ADGRL3: variants seen among roughly 807,000 people sequenced by gnomAD.
ADGRL3 encodes the protein adhesion G protein-coupled receptor L3, also known as calcium-independent alpha-latrotoxin receptor 3.
A neutral mutation model predicts 153.5 loss-of-function variants in ADGRL3; 62 were observed. The observed-to-expected ratio is 0.40, with a 90% CI of 0.33 to 0.50. The LOEUF is 0.50. Ranked by LOEUF, ADGRL3 falls within the 20% of genes least tolerant of loss-of-function variation. ADGRL3 has a pLI of 0.47. For missense variants in ADGRL3, 1,641 were observed against 1,859.4 expected, an observed-to-expected ratio of 0.88 and a Z score of 2.16; for synonymous variants, 710 against 672.5, an observed-to-expected ratio of 1.06 and a Z score of -0.86.
chr4:61,327,185 G>A (rs1480199685), intron 1 of ADGRL3, among the ~76,000 whole-genome samples: 1 of 151,738 alleles, frequency 6.6e-6, no homozygotes, highest in Non-Finnish European at 1.5e-5. Flanking sequence ...AGCACCCGAC[G>A]GGCTTGCTAA....
intron 5 of ADGRL3, among the ~76,000 whole-genome samples, chr4:61,655,720 G>A (rs906382172): frequency 3.3e-5 from 5 of 152,148 alleles, no homozygotes. Flanking sequence ...TCTGCTGAGT[G>A]GTATGGGAAA....
At chr4:61,703,962 C>T (rs1242316272) in intron 6 of ADGRL3, among the ~76,000 whole-genome samples, 2 of 151,988 alleles carry the variant, frequency 1.3e-5, no homozygotes, top group South Asian at 2.1e-4. Context: ...GCATAGAATA[C>T]TTGCTTAAAA....
chr4:61,876,285 TTTG>T (rs199956644), intron 9 of ADGRL3, among the ~76,000 whole-genome samples: 36 of 59,780 alleles, frequency 6.0e-4, no homozygotes, highest in Admixed American at 1.1e-3. Context: ...TTTATCCAAT[TTTG>T]TTTTTTTTTT....
intron 2 of ADGRL3, among the ~76,000 whole-genome samples, chr4:61,466,669 G>A (rs2097888160): frequency 6.6e-6 from 1 of 152,056 alleles, no homozygotes; most frequent in African/African-American, 2.4e-5. Context: ...TACCATGTAT[G>A]GTGCAAAGTA....
intron 23 of ADGRL3, among the ~76,000 whole-genome samples, chr4:62,037,059 C>T (rs1158688781): frequency 6.6e-6 from 1 of 151,978 alleles, no homozygotes; most frequent in Non-Finnish European, 1.5e-5. Context: ...TTATATTTCT[C>T]TGTGATTATT....
chr4:62,006,577 ATTT>A (rs34336604), intron 21 of ADGRL3, among the ~76,000 whole-genome samples: 53 of 130,754 alleles, frequency 4.1e-4, no homozygotes, highest in African/African-American at 9.9e-4. Context: ...CAATGTATAG[ATTT>A]TTTTTTTTTT....
intron 2 of ADGRL3, among the ~76,000 whole-genome samples, chr4:61,470,232 T>G (rs1274941115): frequency 6.6e-6 from 1 of 151,966 alleles, no homozygotes; most frequent in Non-Finnish European, 1.5e-5. Context: ...ATGCTGAGCA[T>G]TCCAGAAATC....
intron 17 of ADGRL3, among the ~76,000 whole-genome samples, chr4:61,960,830 C>T (rs1325758083): frequency 2.6e-5 from 4 of 152,148 alleles, no homozygotes; most frequent in Admixed American, 2.0e-4. Flanking sequence ...CTGTCTCAGC[C>T]TCCCGAGTAG....
chr4:61,922,094 G>A (rs1274665654), intron 13 of ADGRL3, among the ~76,000 whole-genome samples: 1 of 152,130 alleles, frequency 6.6e-6, no homozygotes, highest in Non-Finnish European at 1.5e-5. Flanking sequence ...AAATAAACAA[G>A]CAAGCCAAAA....
chr4:61,813,962 T>C (rs1226849556), intron 9 of ADGRL3, 73 bp downstream of exon 9: 1 of 1,567,444 alleles, frequency 6.4e-7, no homozygotes, highest in Non-Finnish European at 8.7e-7. Context: ...GTTGTACATA[T>C]GTATTTTGTA....
chr4:61,686,309 C>G (rs1262463354), intron 6 of ADGRL3, among the ~76,000 whole-genome samples: 1 of 151,948 alleles, frequency 6.6e-6, no homozygotes, highest in African/African-American at 2.4e-5. Context: ...CTGAAAAGAT[C>G]TTATGTTTTG....
chr4:61,968,428 G>A (rs2099014620), intron 17 of ADGRL3, among the ~76,000 whole-genome samples: 1 of 152,074 alleles, frequency 6.6e-6, no homozygotes, highest in African/African-American at 2.4e-5. Flanking sequence ...TCTGTCTCAT[G>A]GAAATCTTTT....
chr4:62,049,981 C>T (rs578034723), intron 25 of ADGRL3, among the ~76,000 whole-genome samples: 1 of 152,166 alleles, frequency 6.6e-6, no homozygotes, highest in African/African-American at 2.4e-5. Flanking sequence ...TTCACTTATA[C>T]TTTCTAAAAA....
chr4:61,272,922 T>C (rs1460319130), intron 1 of ADGRL3, among the ~76,000 whole-genome samples: 1 of 152,080 alleles, frequency 6.6e-6, no homozygotes, highest in East Asian at 1.9e-4. Flanking sequence ...TGTAGGACAT[T>C]GTAATGTGGA....
intron 4 of ADGRL3, among the ~76,000 whole-genome samples, chr4:61,572,559 A>G (rs2098843429): frequency 6.6e-6 from 1 of 152,154 alleles, no homozygotes; most frequent in South Asian, 2.1e-4. Flanking sequence ...GAATTATCTA[A>G]GTGACTACAG....
rs903873149 is a variant in ADGRL3 at position 61,892,957 on chromosome 4, A to G, written c.1782A>G (p.Ile594Met). 1.3e-6 allele frequency: 2 copies of G among 1,513,918 alleles called. No individual in the cohort carries two copies. Among genetic ancestry groups the G allele is most frequent in the Non-Finnish European group, 1.8e-6 (2 of 1,134,208 alleles). The allele number at this position is 1,513,918 out of a possible 1,614,324, so 93.8% of individuals were successfully genotyped here. A position where few individuals can be genotyped will look rare whatever the true frequency, so the allele number is the denominator to read the frequency against. ...IAKQPCPAGT[I>M]GVSTYLCLAP... ...AGCAGCCATGCCCTGCAGGAACTATAGGTAAGTCTGTGCTAAAGCACTAAG... is the reference window on the plus strand; with the variant it reads ...AGCAGCCATGCCCTGCAGGAACTATGGGTAAGTCTGTGCTAAAGCACTAAG... Residue 594 changes from isoleucine (I) to methionine (M), a missense_variant and splice_region_variant, in exon 10 of 27, where the codon ATA becomes ATG. Ile to Met is a conservative substitution (Grantham distance 10, BLOSUM62 1). This residue lies in a region of ADGRL3 where 734 missense variants were observed against 797.0 expected (regional missense o/e 0.92). Coordinates refer to ENST00000683033, the MANE Select transcript of ADGRL3 (RefSeq NM_001387552.1).
At chr4:61,474,306 C>G (rs999975505) in intron 2 of ADGRL3, among the ~76,000 whole-genome samples, 1 of 152,110 alleles carries the variant, frequency 6.6e-6, no homozygotes, top group African/African-American at 2.4e-5. Flanking sequence ...ATCCTAGGAA[C>G]TTCTGTGAAT....
chr4:61,921,061 CTT>C (rs1419808092), intron 13 of ADGRL3, among the ~76,000 whole-genome samples: 1 of 151,846 alleles, frequency 6.6e-6, no homozygotes, highest in Non-Finnish European at 1.5e-5. Flanking sequence ...ACAAGGGTAA[CTT>C]TTGAACCCTA....
At chr4:61,958,174 T>G (rs1336704381) in intron 17 of ADGRL3, among the ~76,000 whole-genome samples, 1 of 152,220 alleles carries the variant, frequency 6.6e-6, no homozygotes, top group Admixed American at 6.5e-5. Context: ...TATTAGGGAA[T>G]GTCTTTTCTT....
Sources: allele counts gnomAD v4.1 joint callset (sites outside exome capture counted in the v4.1 genomes callset), GRCh38; gene constraint gnomAD v4.1.1; regional missense constraint gnomAD v4.1.1; transcripts MANE v1.5; gene names NCBI Gene and HGNC (gene_info 2026-07-23, HGNC 2026-07-21).